The following PTPRR variants were observed in gnomAD, a reference collection of about 807,000 sequenced individuals.
PTPRR encodes receptor-type tyrosine-protein phosphatase R.
In PTPRR, 38 loss-of-function variants were observed where a neutral mutation model predicts 77.2. The observed-to-expected ratio is 0.49, with a 90% CI of 0.38 to 0.65. The LOEUF is 0.65. Ranked by LOEUF, PTPRR falls within the 30% of genes least tolerant of loss-of-function variation. The pLI is 0.00. For synonymous variants in PTPRR, 299 were observed against 283.1 expected, an observed-to-expected ratio of 1.06 and a Z score of -0.57; for missense variants, 744 against 799.2, an observed-to-expected ratio of 0.93 and a Z score of 0.83.
At chr12:70,683,257 A>G (rs1351043616) in intron 10 of PTPRR, among the ~76,000 whole-genome samples, 1 of 152,198 alleles carries the variant, frequency 6.6e-6, no homozygotes, top group Non-Finnish European at 1.5e-5. Context: ...AAACACTGAA[A>G]TGCTGATTAA....
At chr12:70,884,871 CAA>C (rs529547383) in intron 2 of PTPRR, among the ~76,000 whole-genome samples, 225 of 53,930 alleles carry the variant, frequency 4.2e-3, no homozygotes, top group South Asian at 0.019. Flanking sequence ...AACTCTGTCT[CAA>C]AAAAAAAAAA....
At chr12:70,768,127 A>T (rs955998144) in intron 2 of PTPRR, among the ~76,000 whole-genome samples, 10 of 152,154 alleles carry the variant, frequency 6.6e-5, no homozygotes, top group African/African-American at 2.4e-4. Context: ...CAGCAAACAC[A>T]TTCAAAAGCT....
chr12:70,886,462 G>C (rs894410253), intron 2 of PTPRR, among the ~76,000 whole-genome samples: 1 of 152,076 alleles, frequency 6.6e-6, no homozygotes, highest in Non-Finnish European at 1.5e-5. Flanking sequence ...AAATCTAACT[G>C]AAAGCTGTAT....
chr12:70,708,972 G>T (rs932807308), intron 6 of PTPRR, among the ~76,000 whole-genome samples: 1 of 151,858 alleles, frequency 6.6e-6, no homozygotes, highest in Admixed American at 6.6e-5. Context: ...TGTAAGGCCA[G>T]AAATGACACC....
At chr12:70,711,455 G>GTATATT (rs1888826588) in intron 6 of PTPRR, among the ~76,000 whole-genome samples, 1 of 151,854 alleles carries the variant, frequency 6.6e-6, no homozygotes, top group Non-Finnish European at 1.5e-5. Flanking sequence ...GGATTATTTA[G>GTATATT]TATATTTATA....
At chr12:70,652,418 C>T (rs970243224) in intron 13 of PTPRR, among the ~76,000 whole-genome samples, 5 of 152,100 alleles carry the variant, frequency 3.3e-5, no homozygotes, top group Non-Finnish European at 1.5e-5. Context: ...AAAAGGAAAA[C>T]ATATGTTGAT....
At chr12:70,733,480 A>AAAAAAAAAAAAAAAAAAAAAAAAATTT (rs1565672451) in intron 6 of PTPRR, among the ~76,000 whole-genome samples, 1 of 85,808 alleles carries the variant, frequency 1.2e-5, no homozygotes, top group African/African-American at 5.3e-5. Context: ...CAAAAAAAAA[A>AAAAAAAAAAAAAAAAAAAAAAAAATTT]AGAAAAAAAA....
chr12:70,895,093 A>G (rs548164142), intron 1 of PTPRR, among the ~76,000 whole-genome samples: 7 of 151,794 alleles, frequency 4.6e-5, no homozygotes, highest in Non-Finnish European at 1.0e-4. Context: ...AGTTGAAGGG[A>G]TACGGGTGAA....
intron 1 of PTPRR, among the ~76,000 whole-genome samples, chr12:70,896,139 A>G (rs902361574): frequency 6.6e-5 from 10 of 151,718 alleles, no homozygotes; most frequent in African/African-American, 2.4e-4. Flanking sequence ...AAAGAGGGAC[A>G]TTACATAATG....
chr12:70,780,644 T>C (rs1341079213), intron 2 of PTPRR, among the ~76,000 whole-genome samples: 2 of 152,184 alleles, frequency 1.3e-5, no homozygotes, highest in Non-Finnish European at 2.9e-5. Context: ...ATACAAATAT[T>C]TATCCATTTT....
intron 7 of PTPRR, 98 bp downstream of exon 7, chr12:70,701,039 A>G: frequency 1.6e-6 from 2 of 1,267,164 alleles, no homozygotes; most frequent in African/African-American, 1.5e-5. Context: ...TGTTTACTGT[A>G]GACTGCTTAA....
At chr12:70,890,370 G>A (rs1893314420) in intron 2 of PTPRR, among the ~76,000 whole-genome samples, 2 of 152,138 alleles carry the variant, frequency 1.3e-5, no homozygotes, top group African/African-American at 2.4e-5. Context: ...TTCATTTGTG[G>A]ATAAATGCTC....
At chr12:70,900,079 A>G (rs1395575282) in intron 1 of PTPRR, among the ~76,000 whole-genome samples, 1 of 151,584 alleles carries the variant, frequency 6.6e-6, no homozygotes, top group Non-Finnish European at 1.5e-5. Flanking sequence ...AGAAGACTCT[A>G]CATAATGAAG....
intron 13 of PTPRR, among the ~76,000 whole-genome samples, chr12:70,655,049 T>A (rs1176565985): frequency 1.3e-5 from 2 of 152,232 alleles, no homozygotes; most frequent in African/African-American, 4.8e-5. Context: ...ACTTTCTCCA[T>A]CACTAACTCA....
At chr12:70,692,254 T>G (rs1888081490) in intron 8 of PTPRR, among the ~76,000 whole-genome samples, 1 of 152,134 alleles carries the variant, frequency 6.6e-6, no homozygotes, top group Admixed American at 6.5e-5. Flanking sequence ...TACTTAACTA[T>G]TATATTTATA....
chr12:70,904,323 T>A (rs187531317), intron 1 of PTPRR, among the ~76,000 whole-genome samples: 2 of 151,936 alleles, frequency 1.3e-5, no homozygotes, highest in Admixed American at 1.3e-4. Context: ...TGTCCTTCAA[T>A]GGGTGGATAG....
intron 6 of PTPRR, among the ~76,000 whole-genome samples, chr12:70,741,416 G>C (rs1027051378): frequency 6.6e-6 from 1 of 152,182 alleles, no homozygotes; most frequent in Non-Finnish European, 1.5e-5. Context: ...GGAAGGAGGA[G>C]GAGGCAGAGG....
chr12:70,715,120 G>A (rs1319056796), intron 6 of PTPRR, among the ~76,000 whole-genome samples: 2 of 152,078 alleles, frequency 1.3e-5, no homozygotes, highest in African/African-American at 2.4e-5. Flanking sequence ...CGGCTGGTTT[G>A]AGAAATAAAG....
chr12:70,766,348 T>C (rs1472523968), intron 2 of PTPRR, among the ~76,000 whole-genome samples: 4,543 of 152,056 alleles, frequency 0.03, 223 homozygotes, highest in African/African-American at 0.1. Flanking sequence ...AGCCAAGGCT[T>C]GAGAACTACG....
Sources: gnomAD v4.1 joint callset for allele counts (sites outside exome capture counted in the v4.1 genomes callset) on GRCh38, gnomAD v4.1.1 for gene constraint, MANE v1.5 for transcripts, NCBI Gene and HGNC (gene_info 2026-07-23, HGNC 2026-07-21) for gene names.